The following BRD3 variants were observed in gnomAD, a reference collection of about 807,000 sequenced individuals.
The protein encoded by BRD3 is bromodomain containing 3.
BRD3 carries 17 observed loss-of-function variants against 66.8 expected under a neutral mutation model. That is an observed-to-expected ratio of 0.25 (90% CI 0.17 to 0.38). The LOEUF (loss-of-function observed/expected upper bound fraction) is 0.38, where lower values mean the gene tolerates loss of function less well. BRD3 is among the 10% of genes least tolerant of loss of function. The pLI, the probability that BRD3 is intolerant of heterozygous loss-of-function variation, is 1.00. For missense variants in BRD3, 713 were observed against 956.1 expected (o/e 0.75, Z 3.35); for synonymous variants, 421 against 393.2 (o/e 1.07, Z -0.84).
At chr9:134,048,975 C>T (rs1366647144) in intron 5 of BRD3, among the ~76,000 whole-genome samples, 1 of 152,146 alleles carries the variant, frequency 6.6e-6, no homozygotes. Context: ...AGACACAGGG[C>T]AAGGGGCAGC....
intron 11 of BRD3, 29 bp downstream of exon 11, chr9:134,034,672 A>T (rs1311585877): frequency 6.2e-7 from 1 of 1,600,120 alleles, no homozygotes; most frequent in Non-Finnish European, 8.5e-7. Flanking sequence ...CCCCCTAAAG[A>T]GGGGTGGCAC....
intron 9 of BRD3, among the ~76,000 whole-genome samples, chr9:134,037,989 C>T (rs1363203341): frequency 6.6e-6 from 1 of 152,152 alleles, no homozygotes; most frequent in Non-Finnish European, 1.5e-5. Flanking sequence ...ATCTAATAAG[C>T]CTATACCTAT....
intron 9 of BRD3, 63 bp from the exon 10 acceptor site, chr9:134,036,387 GCA>G (rs1829912738): frequency 6.4e-7 from 1 of 1,572,896 alleles, no homozygotes; most frequent in Admixed American, 1.8e-5. Flanking sequence ...GGAGCCCACT[GCA>G]CACACCCCTT....
chr9:134,051,889 GTTTTTTTT>G (rs886259053), intron 3 of BRD3, among the ~76,000 whole-genome samples, 180 bp from the exon 4 acceptor site: 6 of 59,022 alleles, frequency 1.0e-4, no homozygotes, highest in Admixed American at 4.9e-4. Flanking sequence ...TGTTTTTTTT[GTTTTTTTT>G]TTTTTTTTTT....
At chr9:134,050,951 G>A (rs186654757) in intron 4 of BRD3, among the ~76,000 whole-genome samples, 261 of 152,326 alleles carry the variant, frequency 1.7e-3, no homozygotes, top group African/African-American at 6.0e-3. Flanking sequence ...CGATGTGGCC[G>A]TACTTAAGCC....
At chr9:134,062,745 C>T (rs1412799056) in intron 1 of BRD3, among the ~76,000 whole-genome samples, 1 of 152,228 alleles carries the variant, frequency 6.6e-6, no homozygotes, top group Non-Finnish European at 1.5e-5. Flanking sequence ...CCCACAGACA[C>T]TGGTCAGGCC....
At chr9:134,051,808 T>G in intron 3 of BRD3, 99 bp from the exon 4 acceptor site, 4 of 1,377,524 alleles carry the variant, frequency 2.9e-6, no homozygotes, top group Non-Finnish European at 2.9e-6. Flanking sequence ...TAAAATTTGT[T>G]AACAGATTTG....
At position 134,034,841 on chromosome 9, in the gene BRD3, C is replaced by A. The variant is rs531256085; in HGVS notation, c.1937-12G>T. ...CTTCCCGCTTGCTGCTGTCGGGGAA[C>A]AAATGGGCACTCAGACTGCAGAGCA... On this transcript the variant is annotated splice_polypyrimidine_tract_variant and intron_variant, in intron 10 of 11. Transcript: ENST00000303407. 2.5e-6 allele frequency: 4 copies of A among 1,610,846 alleles called. No homozygotes were observed. The East Asian group carries it at 8.9e-5, about 36-fold the overall frequency.
chr9:134,060,759 G>T (rs1830524294), intron 1 of BRD3, among the ~76,000 whole-genome samples: 1 of 152,200 alleles, frequency 6.6e-6, no homozygotes, highest in Non-Finnish European at 1.5e-5. Flanking sequence ...GACATGGAAG[G>T]AATGTTGGTG....
chr9:134,056,067 G>A (rs1465331754), intron 1 of BRD3: 1 of 152,340 alleles, frequency 6.6e-6, no homozygotes, highest in Non-Finnish European at 1.5e-5. Context: ...CTGTGAGCTT[G>A]AGCAAGGCAG....
Position 134,036,273 on chromosome 9 carries a change from T to C in BRD3, c.1695A>G (p.Glu565=). ...KQASASYDSE[E]EEEGLPMSYD... is the part of the protein sequence containing the mutation. ...AGCTCATGGGCAGGCCCTCCTCCTC[T>C]TCCTCTGAGTCGTAGGAGGCAGATG... Residue 565 remains glutamate (E), a synonymous_variant, in exon 10 of 12, where the codon GAA becomes GAG. Transcript: ENST00000303407. The C allele has an allele frequency of 6.2e-7, 1 of 1,613,610 alleles. No homozygotes were observed. The highest frequency in any genetic ancestry group is 1.3e-5 in the African/African-American group (1 of 75,028).
At chr9:134,044,046 T>C (rs771144425) in intron 7 of BRD3, among the ~76,000 whole-genome samples, 1 of 152,262 alleles carries the variant, frequency 6.6e-6, no homozygotes, top group African/African-American at 2.4e-5. Context: ...TTCCGTCCTC[T>C]ATGCTCAGCT....
chr9:134,050,326 C>T, intron 5 of BRD3, 48 bp downstream of exon 5: 1 of 1,565,556 alleles, frequency 6.4e-7, no homozygotes, highest in Non-Finnish European at 8.7e-7. Context: ...ACCTCAGGAA[C>T]CCTGGCCGGG....
At chr9:134,067,357 C>G (rs984004347) in intron 1 of BRD3, among the ~76,000 whole-genome samples, 1 of 151,382 alleles carries the variant, frequency 6.6e-6, no homozygotes, top group African/African-American at 2.4e-5. Context: ...CCTTGCCCCC[C>G]GCCCCGGCCG....
chr9:134,036,379 A>G, intron 9 of BRD3, 55 bp from the exon 10 acceptor site: 2 of 1,567,846 alleles, frequency 1.3e-6, no homozygotes, highest in South Asian at 1.2e-5. Flanking sequence ...CTGCCGTGGG[A>G]GCCCACTGCA....
chr9:134,043,825 G>A (rs977095345), intron 7 of BRD3, among the ~76,000 whole-genome samples: 2 of 152,174 alleles, frequency 1.3e-5, no homozygotes, highest in Non-Finnish European at 2.9e-5. Context: ...TGAATAGCTG[G>A]TACTACAGGG....
chr9:134,060,185 C>T (rs1190538337), intron 1 of BRD3, among the ~76,000 whole-genome samples: 1 of 152,218 alleles, frequency 6.6e-6, no homozygotes, highest in African/African-American at 2.4e-5. Flanking sequence ...AGTGAGCAGG[C>T]AGCCTGCCTT....
intron 9 of BRD3, among the ~76,000 whole-genome samples, chr9:134,039,431 C>T (rs1289089922): frequency 6.6e-6 from 1 of 152,178 alleles, no homozygotes; most frequent in Non-Finnish European, 1.5e-5. Flanking sequence ...ACCCGTTGTT[C>T]CCTGTTCTTG....
chr9:134,066,772 G>A (rs1221574177), intron 1 of BRD3, among the ~76,000 whole-genome samples: 2 of 152,218 alleles, frequency 1.3e-5, no homozygotes, highest in African/African-American at 2.4e-5. Flanking sequence ...AACTTTTGCA[G>A]ACAATGACCA....
Sources: allele counts gnomAD v4.1 joint callset (sites outside exome capture counted in the v4.1 genomes callset), GRCh38; gene constraint gnomAD v4.1.1; transcripts MANE v1.5; gene names NCBI Gene and HGNC (gene_info 2026-07-23, HGNC 2026-07-21).